The following SRFBP1 variants were observed in gnomAD, a reference collection of about 807,000 sequenced individuals.
SRFBP1 encodes the protein serum response factor binding protein 1.
A neutral mutation model predicts 45.5 loss-of-function variants in SRFBP1; 47 were observed. That is an observed-to-expected ratio of 1.03 (90% confidence interval 0.82 to 1.32). The LOEUF (loss-of-function observed/expected upper bound fraction) is 1.32. SRFBP1 is among the 40% of genes most tolerant of loss of function. The pLI is 0.00. For synonymous variants in SRFBP1, 203 were observed against 166.3 expected, an observed-to-expected ratio of 1.22 and a Z score of -1.70; for missense variants, 621 against 484.6, an observed-to-expected ratio of 1.28 and a Z score of -2.64.
At chr5:122,038,869 C>T (rs1034407344) in intron 2 of SRFBP1, among the ~76,000 whole-genome samples, 1 of 152,018 alleles carries the variant, frequency 6.6e-6, no homozygotes, top group Non-Finnish European at 1.5e-5. Flanking sequence ...CTTTGGGGCT[C>T]CCAAACTTTC....
At chr5:122,061,799 G>T (rs1413200538) in intron 2 of SRFBP1, among the ~76,000 whole-genome samples, 1 of 151,768 alleles carries the variant, frequency 6.6e-6, no homozygotes, top group African/African-American at 2.4e-5. Context: ...CACTGAAAAG[G>T]TCCTATTTCA....
downstream of SRFBP1, chr5:122,077,492 C>T (rs780771761): frequency 6.2e-6 from 10 of 1,613,936 alleles, no homozygotes; most frequent in South Asian, 1.1e-4. This position sits in a 1 kb window ranked among gnomAD's most constrained non-coding sequence, Gnocchi z 4.9. Context: ...GCCCACCATG[C>T]CGTCCACGCG....
chr5:122,069,688 C>A (rs1007223385), intron 2 of SRFBP1, among the ~76,000 whole-genome samples: 12 of 152,094 alleles, frequency 7.9e-5, no homozygotes, highest in African/African-American at 2.7e-4. Flanking sequence ...CCTAGCAATT[C>A]TTTCAGGGAC....
intron 4 of SRFBP1, among the ~76,000 whole-genome samples, chr5:122,004,143 G>C (rs1306005194): frequency 2.0e-5 from 3 of 152,124 alleles, no homozygotes; most frequent in African/African-American, 7.2e-5. Context: ...GCGCCACCAT[G>C]CCCGGCTAAT....
At chr5:122,077,944 C>T, downstream of SRFBP1, 1 of 1,486,640 alleles carries the variant, frequency 6.7e-7, no homozygotes, top group Non-Finnish European at 8.9e-7. This position sits in a 1 kb window ranked among gnomAD's most constrained non-coding sequence, Gnocchi z 4.9. Flanking sequence ...GCGCGCAGAG[C>T]TGCAAAGGCC....
chr5:122,023,347 C>T (rs1443514239), intron 7 of SRFBP1, among the ~76,000 whole-genome samples: 4 of 152,204 alleles, frequency 2.6e-5, no homozygotes, highest in Non-Finnish European at 5.9e-5. Flanking sequence ...CTGCATCTAG[C>T]TCAAAGTCCA....
intron 4 of SRFBP1, among the ~76,000 whole-genome samples, chr5:121,998,631 A>G (rs1237991809): frequency 4.7e-5 from 7 of 148,650 alleles, no homozygotes. Flanking sequence ...TAACCTGCAC[A>G]ATGTGCACAT....
Position 122,020,117 on chromosome 5 carries a change from CA to C in SRFBP1, c.386del (p.Asn129MetfsTer60). 6.3e-7 allele frequency: 1 copy of C among 1,578,940 alleles called. No homozygotes were observed. The highest frequency in any genetic ancestry group is 1.2e-5 in the South Asian group (1 of 84,002). On this transcript the variant is annotated frameshift_variant, in exon 6 of 8. Transcript: ENST00000339397. LOFTEE classifies it high-confidence loss of function. ...AAVQAFKEAR[Q>X]NVAEVESSKN... ...TGTACAAGCCTTTAAAGAAGCAAGA[CA>C]AAATGTTGCTGAAGTTGAGTCATCA...
At chr5:122,036,142 A>G (rs1741393885) in intron 2 of SRFBP1, among the ~76,000 whole-genome samples, 1 of 152,180 alleles carries the variant, frequency 6.6e-6, no homozygotes, top group African/African-American at 2.4e-5. Context: ...CTCCTGGGAG[A>G]TGAGCTCTGA....
chr5:122,015,823 C>G (rs966842823), intron 4 of SRFBP1, among the ~76,000 whole-genome samples: 1 of 152,236 alleles, frequency 6.6e-6, no homozygotes, highest in East Asian at 1.9e-4. Context: ...ACTGTATTAG[C>G]TTTTTTATTT....
chr5:122,075,581 A>G (rs1180073604), downstream of SRFBP1: 1 of 1,370,392 alleles, frequency 7.3e-7, no homozygotes, highest in Admixed American at 2.3e-5. Flanking sequence ...TATTCATGGA[A>G]TATTAACTAA....
intron 2 of SRFBP1, among the ~76,000 whole-genome samples, chr5:122,034,991 G>A (rs74773296): frequency 0.033 from 4,947 of 151,800 alleles, 226 homozygotes; most frequent in African/African-American, 0.096. Flanking sequence ...AGATGTATCT[G>A]TTTGTCTGGG....
intron 3 of SRFBP1, among the ~76,000 whole-genome samples, chr5:121,986,978 A>G (rs913595012): frequency 8.5e-5 from 13 of 152,162 alleles, no homozygotes; most frequent in Admixed American, 2.6e-4. Context: ...TTAGAGCAGA[A>G]AGATACATTA....
At chr5:122,032,024 A>G (rs186943526), downstream of SRFBP1, among the ~76,000 whole-genome samples, 8 of 152,342 alleles carry the variant, frequency 5.3e-5, no homozygotes, top group East Asian at 7.7e-4. Context: ...TTTTAGAAAG[A>G]TGAATGTATT....
chr5:122,007,815 G>A (rs1350180248), intron 4 of SRFBP1, among the ~76,000 whole-genome samples: 6 of 152,124 alleles, frequency 3.9e-5, no homozygotes, highest in Non-Finnish European at 8.8e-5. Flanking sequence ...CCTGCCTGGT[G>A]TTTGTGTCCA....
At chr5:122,003,681 T>C (rs1752920284) in intron 4 of SRFBP1, among the ~76,000 whole-genome samples, 1 of 152,280 alleles carries the variant, frequency 6.6e-6, no homozygotes, top group Middle Eastern at 3.4e-3. Flanking sequence ...CATCCAACAA[T>C]GTATAAGAGT....
chr5:121,963,301 G>A (rs1046282716), intron 1 of SRFBP1, among the ~76,000 whole-genome samples: 2 of 152,208 alleles, frequency 1.3e-5, no homozygotes, highest in Non-Finnish European at 2.9e-5. Context: ...TACAGGATAT[G>A]CTGAAGAGGG....
chr5:122,025,723 GATA>G (rs1753466548), intron 7 of SRFBP1, among the ~76,000 whole-genome samples: 1 of 152,134 alleles, frequency 6.6e-6, no homozygotes, highest in Non-Finnish European at 1.5e-5. Flanking sequence ...TTTCTGTCTA[GATA>G]ATGTTTTGTA....
chr5:122,023,589 G>A (rs1189373241), intron 7 of SRFBP1, among the ~76,000 whole-genome samples: 2 of 152,204 alleles, frequency 1.3e-5, no homozygotes, highest in African/African-American at 4.8e-5. Context: ...AAGGCTCTGA[G>A]AGGAACTTCT....
Sources: allele counts gnomAD v4.1 joint callset (sites outside exome capture counted in the v4.1 genomes callset), GRCh38; gene constraint gnomAD v4.1.1; non-coding constraint Gnocchi (gnomAD v3.1); transcripts MANE v1.5; gene names NCBI Gene and HGNC (gene_info 2026-07-23, HGNC 2026-07-21).